GBP7: variants seen among roughly 807,000 people sequenced by gnomAD.
GBP7 encodes the protein guanylate-binding protein 7.
In GBP7, 43 loss-of-function variants were observed where a neutral mutation model predicts 61.3. The observed-to-expected ratio is 0.70, with a 90% CI of 0.55 to 0.91. The LOEUF (loss-of-function observed/expected upper bound fraction) is 0.91, where lower values mean the gene tolerates loss of function less well. Among genes scored for constraint, GBP7 ranks in the 40% least tolerant of loss-of-function variants. The pLI, the probability that GBP7 is intolerant of heterozygous loss-of-function variation, is 0.00. For synonymous variants in GBP7, 267 were observed against 271.0 expected (o/e 0.99, Z 0.14); for missense variants, 717 against 740.5 (o/e 0.97, Z 0.37).
intron 9 of GBP7, among the ~76,000 whole-genome samples, chr1:89,138,570 G>T (rs952713931): frequency 1.3e-5 from 2 of 151,892 alleles, no homozygotes; most frequent in African/African-American, 4.8e-5. Flanking sequence ...AACAAAAAAA[G>T]CAATGGAGAA....
intron 3 of GBP7, among the ~76,000 whole-genome samples, chr1:89,158,391 A>G (rs187763830): frequency 6.6e-6 from 1 of 152,342 alleles, no homozygotes; most frequent in African/African-American, 2.4e-5. Context: ...AATAAAGGGT[A>G]TTCAGTTAGG....
intron 9 of GBP7, 69 bp from the exon 10 acceptor site, chr1:89,133,520 G>T: frequency 7.7e-7 from 1 of 1,301,320 alleles, no homozygotes; most frequent in Non-Finnish European, 1.1e-6. Context: ...TCATGGCTAA[G>T]TAGATGGAGT....
At chr1:89,167,332 G>A (rs12060981) in intron 2 of GBP7, among the ~76,000 whole-genome samples, 1,665 of 152,202 alleles carry the variant, frequency 0.011, 42 homozygotes, top group African/African-American at 0.038. Context: ...TCAATAAAAG[G>A]CCTTGAATCC....
intron 3 of GBP7, among the ~76,000 whole-genome samples, chr1:89,154,521 A>G (rs1373857834): frequency 6.6e-6 from 1 of 151,912 alleles, no homozygotes; most frequent in Non-Finnish European, 1.5e-5. Flanking sequence ...TAATTTTTGT[A>G]TTTTTAATAG....
At chr1:89,172,477 T>C (rs1252714698) in intron 1 of GBP7, among the ~76,000 whole-genome samples, 1 of 152,248 alleles carries the variant, frequency 6.6e-6, no homozygotes, top group Non-Finnish European at 1.5e-5. Context: ...TTGAGGAATA[T>C]CCTTCAATTT....
chr1:89,156,379 A>G (rs1484476883), intron 3 of GBP7, among the ~76,000 whole-genome samples: 4 of 152,220 alleles, frequency 2.6e-5, no homozygotes, highest in African/African-American at 9.6e-5. Flanking sequence ...TAAATGGGCT[A>G]AATGCTCCAA....
intron 3 of GBP7, among the ~76,000 whole-genome samples, chr1:89,164,380 A>G (rs1570360235): frequency 6.6e-6 from 1 of 152,186 alleles, no homozygotes; most frequent in South Asian, 2.1e-4. Context: ...AATGGTCACA[A>G]TGTTGTCTTC....
chr1:89,164,680 CATAA>C lies in GBP7; in HGVS notation c.318+47_318+50del, dbSNP rs773538527. 1.3e-5 allele frequency: 20 copies of C among 1,582,992 alleles called. No individual in the cohort carries two copies. In the East Asian group the frequency reaches 3.4e-4, roughly 27 times the overall value. On this transcript the variant is annotated intron_variant, in intron 3 of 10. Coordinates refer to ENST00000294671, the MANE Select transcript of GBP7 (RefSeq NM_207398.3). ...GTTGGATTGATACTATGCATAAAAA[CATAA>C]ATAGAGAATCAAAGGTAAAGAAGAT...
chr1:89,149,556 C>T lies in GBP7; in HGVS notation c.888G>A (p.Val296=). 4 of 1,613,062 alleles carry T rather than the reference C, an allele frequency of 2.5e-6. No homozygotes were observed. Among genetic ancestry groups the T allele is most frequent in the Non-Finnish European group, 2.5e-6 (3 of 1,179,184 alleles). The change falls in exon 7 of 11, where the codon GTG becomes GTA. Residue 296 remains valine (V), a synonymous_variant. Transcript: ENST00000294671. ...LVTGNRLGML[V]ETYLDAINSG... ...TGTTGATGGCATCCAGGTAGGTCTC[C>T]ACCAGCATCCCCAGCCCTGAATGAT...
chr1:89,153,480 G>A (rs1195612273), intron 3 of GBP7, among the ~76,000 whole-genome samples: 5 of 152,192 alleles, frequency 3.3e-5, no homozygotes, highest in Admixed American at 3.3e-4. Flanking sequence ...GTAGTAATTA[G>A]TGAACAATAA....
At chr1:89,150,740 A>C (rs983804958) in intron 5 of GBP7, among the ~76,000 whole-genome samples, 165 bp from the exon 6 acceptor site, 12 of 152,182 alleles carry the variant, frequency 7.9e-5, no homozygotes, top group Non-Finnish European at 1.8e-4. Flanking sequence ...TAATCTACTT[A>C]AGGTATGAAA....
intron 9 of GBP7, 105 bp from the exon 10 acceptor site, chr1:89,133,556 A>ACC (rs1681727285): frequency 1.2e-6 from 1 of 864,148 alleles, no homozygotes; most frequent in Non-Finnish European, 1.8e-6. Flanking sequence ...CCACTGAGAG[A>ACC]CCAGACCGTA....
rs375269583 is a variant in GBP7 at position 89,164,750 on chromosome 1, C to T, written c.299G>A (p.Gly100Asp). Residue 100 changes from glycine (G) to aspartate (D), a missense_variant, in exon 3 of 11, where the codon GGC becomes GAC. Coordinates refer to ENST00000294671, the MANE Select transcript of GBP7 (RefSeq NM_207398.3). ...NHTLILLDTE[G>D]LGDMEKSDPK... Reference sequence around the variant, plus strand: ...TCTTACCTTTTCCATATCACCCAGGCCCTCCGTGTCCAGAAGGATCAGGGT... The same window carrying T: ...TCTTACCTTTTCCATATCACCCAGGTCCTCCGTGTCCAGAAGGATCAGGGT... 1.9e-6 allele frequency: 3 copies of T among 1,613,768 alleles called. No homozygotes were observed. Among genetic ancestry groups the T allele is most frequent in the Non-Finnish European group, 2.5e-6 (3 of 1,179,826 alleles).
intron 1 of GBP7, among the ~76,000 whole-genome samples, chr1:89,172,242 A>G (rs1246515339): frequency 6.6e-6 from 1 of 152,212 alleles, no homozygotes; most frequent in Non-Finnish European, 1.5e-5. Flanking sequence ...TAGAACAATT[A>G]CTGAAACCAG....
intron 3 of GBP7, among the ~76,000 whole-genome samples, chr1:89,160,932 T>A (rs1647247771): frequency 6.6e-6 from 1 of 152,034 alleles, no homozygotes; most frequent in South Asian, 2.1e-4. Context: ...TTTTCCCTCC[T>A]CCCATTATCC....
intron 5 of GBP7, 83 bp downstream of exon 5, chr1:89,152,185 A>G: frequency 1.7e-6 from 2 of 1,197,372 alleles, no homozygotes; most frequent in Non-Finnish European, 1.2e-6. Context: ...CAATATAAAA[A>G]TTTGTGTCAG....
intron 8 of GBP7, 109 bp from the exon 9 acceptor site, chr1:89,141,757 T>C: frequency 1.2e-6 from 1 of 824,130 alleles, no homozygotes; most frequent in Non-Finnish European, 2.0e-6. Flanking sequence ...AAACTTCACA[T>C]TATTCTTAAG....
intron 3 of GBP7, among the ~76,000 whole-genome samples, chr1:89,160,051 G>A (rs982696704): frequency 6.6e-6 from 1 of 152,036 alleles, no homozygotes; most frequent in Non-Finnish European, 1.5e-5. Context: ...ATGAGTTCAT[G>A]TCCTTTGCAG....
chr1:89,167,342 C>T (rs1647472789), intron 2 of GBP7, among the ~76,000 whole-genome samples: 1 of 152,120 alleles, frequency 6.6e-6, no homozygotes, highest in Admixed American at 6.5e-5. Flanking sequence ...GCCTTGAATC[C>T]CTTCTTAGCC....
Sources: gnomAD v4.1 joint callset for allele counts (sites outside exome capture counted in the v4.1 genomes callset) on GRCh38, gnomAD v4.1.1 for gene constraint, MANE v1.5 for transcripts, NCBI Gene and HGNC (gene_info 2026-07-23, HGNC 2026-07-21) for gene names.